MYOF: variants seen among roughly 807,000 people sequenced by gnomAD.
The protein encoded by MYOF is myoferlin.
MYOF carries 244 observed loss-of-function variants against 284.2 expected under a neutral mutation model. That is an observed-to-expected ratio of 0.86 (90% CI 0.77 to 0.95). The LOEUF (loss-of-function observed/expected upper bound fraction) is 0.95, where lower values mean the gene tolerates loss of function less well. Ranked by LOEUF, MYOF falls within the 40% of genes least tolerant of loss-of-function variation. The pLI, the probability that MYOF is intolerant of heterozygous loss-of-function variation, is 0.00. For missense variants in MYOF, 2,496 were observed against 2,560.6 expected (o/e 0.97, Z 0.54); for synonymous variants, 904 against 919.7 (o/e 0.98, Z 0.31).
chr10:93,392,766 G>A (rs1019888805), intron 17 of MYOF, 151 bp downstream of exon 17: 12 of 660,218 alleles, frequency 1.8e-5, no homozygotes, highest in East Asian at 2.7e-5. Context: ...CAGGACAACC[G>A]TATGGCACTT....
intron 35 of MYOF, 64 bp downstream of exon 35, chr10:93,351,133 A>G (rs935895988): frequency 2.6e-6 from 4 of 1,523,538 alleles, no homozygotes; most frequent in Non-Finnish European, 3.6e-6. Context: ...GTTCTATACA[A>G]AAGATTCCTG....
intron 1 of MYOF, among the ~76,000 whole-genome samples, chr10:93,473,249 C>G (rs1014740278): frequency 1.3e-5 from 2 of 152,226 alleles, no homozygotes; most frequent in African/African-American, 2.4e-5. Context: ...CTGCAGAGTT[C>G]ATACTCTAGG....
chr10:93,351,949 G>T, intron 32 of MYOF, 103 bp from the exon 33 acceptor site: 1 of 1,123,278 alleles, frequency 8.9e-7, no homozygotes. Flanking sequence ...TAATGACAGT[G>T]GGCTCTGACC....
intron 50 of MYOF, among the ~76,000 whole-genome samples, chr10:93,314,451 C>T (rs1028348620): frequency 6.6e-6 from 1 of 152,160 alleles, no homozygotes; most frequent in African/African-American, 2.4e-5. Flanking sequence ...TTGGGAACTC[C>T]TGTGAGCCCT....
chr10:93,366,694 G>T, intron 25 of MYOF, 139 bp from the exon 26 acceptor site: 1 of 677,356 alleles, frequency 1.5e-6, no homozygotes, highest in Non-Finnish European at 2.4e-6. Context: ...CAGAAGGTAT[G>T]GACCTAACTT....
Position 93,389,283 on chromosome 10 carries a change from T to C in MYOF, c.1457-129A>G, listed in dbSNP as rs1825181157. The C allele has an allele frequency of 7.8e-6, 8 of 1,030,418 alleles. No homozygotes were observed. In the Admixed American group the frequency reaches 2.4e-4, roughly 31 times the overall value. The allele number at this position is 1,030,418 out of a possible 1,614,324, so 63.8% of individuals were successfully genotyped here. On this transcript the variant is annotated intron_variant, in intron 17 of 53. Transcript: ENST00000359263. ...TGGGAGTTAGTTGTATTAATGCAAG[T>C]TGTAAGCACCATGAGGTTTGCCATA...
intron 5 of MYOF, among the ~76,000 whole-genome samples, chr10:93,421,756 G>A (rs935208625): frequency 1.3e-5 from 2 of 152,146 alleles, no homozygotes; most frequent in African/African-American, 2.4e-5. Context: ...AGAAGCAGAG[G>A]CTGGCACCAT....
chr10:93,452,087 TC>T lies in MYOF; in HGVS notation c.198del (p.Ile67LeufsTer3), dbSNP rs1172398837. ...ATTGTCTCAAAATCTTTCACAATAATCCCAAGGGAAGATGAAAAGTCCAGTG... is the reference window on the plus strand; with the variant it reads ...ATTGTCTCAAAATCTTTCACAATAATCCAAGGGAAGATGAAAAGTCCAGTG... ...GIPLDFSSSL[G>X]IIVKDFETIG... On this transcript the variant is annotated frameshift_variant, in exon 3 of 54. Transcript: ENST00000359263. LOFTEE classifies it high-confidence loss of function. The T allele has an allele frequency of 6.2e-7, 1 of 1,612,898 alleles. No homozygotes were observed. The highest frequency in any genetic ancestry group is 8.5e-7 in the Non-Finnish European group (1 of 1,179,786).
intron 17 of MYOF, among the ~76,000 whole-genome samples, chr10:93,391,966 T>C (rs1444970622): frequency 5.9e-5 from 9 of 152,214 alleles, no homozygotes; most frequent in African/African-American, 2.2e-4. Context: ...TTTAAGTATG[T>C]TTTATTTTGA....
chr10:93,343,156 A>G (rs1487434997), intron 38 of MYOF, among the ~76,000 whole-genome samples: 1 of 152,178 alleles, frequency 6.6e-6, no homozygotes, highest in Non-Finnish European at 1.5e-5. Context: ...TGTTCATCAT[A>G]ACTGCCAAGA....
At chr10:93,464,917 G>A (rs1181936184) in intron 1 of MYOF, among the ~76,000 whole-genome samples, 2 of 152,100 alleles carry the variant, frequency 1.3e-5, no homozygotes, top group Non-Finnish European at 2.9e-5. Flanking sequence ...TCTGGGTCAT[G>A]CCTCCTTTCT....
At chr10:93,312,647 C>CT (rs5787051) in intron 51 of MYOF, among the ~76,000 whole-genome samples, 53 of 146,926 alleles carry the variant, frequency 3.6e-4, no homozygotes, top group Admixed American at 1.4e-3. Context: ...CCAGCCCTAC[C>CT]TTTTTTTTTT....
At chr10:93,437,000 G>A (rs1008352904) in intron 3 of MYOF, among the ~76,000 whole-genome samples, 2 of 152,138 alleles carry the variant, frequency 1.3e-5, no homozygotes, top group Non-Finnish European at 2.9e-5. Context: ...GAATCTCGAC[G>A]TCCTCTGGCC....
At chr10:93,326,557 T>G (rs1302463332) in intron 45 of MYOF, among the ~76,000 whole-genome samples, 1 of 152,184 alleles carries the variant, frequency 6.6e-6, no homozygotes, top group Non-Finnish European at 1.5e-5. Flanking sequence ...AGAAATAAAC[T>G]TTTTTTGTGT....
chr10:93,448,022 G>A (rs809812), intron 3 of MYOF, among the ~76,000 whole-genome samples: 92,384 of 151,966 alleles, frequency 0.61, 29,479 homozygotes, highest in East Asian at 0.77. Flanking sequence ...TCCAAAGCCC[G>A]TGCCTTGGCC....
chr10:93,371,753 G>T (rs1166102162), intron 24 of MYOF, among the ~76,000 whole-genome samples: 1 of 151,584 alleles, frequency 6.6e-6, no homozygotes, highest in Non-Finnish European at 1.5e-5. Context: ...AAAGTATAAA[G>T]GGATCTCAAG....
Position 93,347,658 on chromosome 10 carries a change from T to C in MYOF, c.4208A>G (p.Asp1403Gly), listed in dbSNP as rs755627012. Residue 1403 changes from aspartate to glycine, a missense_variant, in exon 37 of 54, where the codon GAC becomes GGC. Around this residue, in one of 3 missense-constraint regions of MYOF, gnomAD observed 2,436 missense variants for 2,480.7 expected, o/e 0.98. Coordinates refer to ENST00000359263, the MANE Select transcript of MYOF (RefSeq NM_013451.4). ...TIERLDRFRC[D>G]PYAGKEDIVP... ...GATGTCCTCTTTCCCTGCATAAGGG[T>C]CACAGCGAAAGCGGTCCAGGCGCTC... 4 of 1,612,724 alleles carry C rather than the reference T, an allele frequency of 2.5e-6. No individual in the cohort carries two copies. Among genetic ancestry groups the C allele is most frequent in the Admixed American group, 1.7e-5 (1 of 59,878 alleles).
At chr10:93,320,725 C>T (rs1842810836) in intron 48 of MYOF, among the ~76,000 whole-genome samples, 1 of 152,090 alleles carries the variant, frequency 6.6e-6, no homozygotes, top group Non-Finnish European at 1.5e-5. Flanking sequence ...GTTGTTGCTA[C>T]TGGGAAGACT....
chr10:93,408,860 A>G lies in MYOF; in HGVS notation c.656T>C (p.Val219Ala), dbSNP rs1291932950. ...RQLSGNNIRP[V>A]VKVHVCGQTH... ...CTGGCCACAGACGTGAACTTTGACC[A>G]CAGGCCTTATGTTGTTACCACTTAA... Residue 219 changes from valine to alanine, a missense_variant, in exon 7 of 54, where the codon GTG (valine) becomes GCG (alanine). Val to Ala is a moderately conservative substitution (Grantham distance 64, BLOSUM62 0). This residue lies in a region of MYOF where 2,436 missense variants were observed against 2,480.7 expected (regional missense o/e 0.98). Coordinates refer to ENST00000359263, the MANE Select transcript of MYOF (RefSeq NM_013451.4). 1.2e-6 allele frequency: 2 copies of G among 1,614,072 alleles called. No homozygotes were observed. Among genetic ancestry groups the G allele is most frequent in the Non-Finnish European group, 1.7e-6 (2 of 1,180,048 alleles).
Sources: allele counts gnomAD v4.1 joint callset (sites outside exome capture counted in the v4.1 genomes callset), GRCh38; gene constraint gnomAD v4.1.1; regional missense constraint gnomAD v4.1.1; transcripts MANE v1.5; gene names NCBI Gene and HGNC (gene_info 2026-07-23, HGNC 2026-07-21).